KLF8: variants seen among roughly 807,000 people sequenced by gnomAD.
KLF8 encodes Krueppel-like factor 8.
A neutral mutation model predicts 18.2 loss-of-function variants in KLF8; 10 were observed. The ratio of observed to expected loss-of-function variants is 0.55; its 90% CI spans 0.34 to 0.93. KLF8 has a LOEUF of 0.93. Among genes scored for constraint, KLF8 ranks in the 40% least tolerant of loss-of-function variants. KLF8 has a pLI of 0.02. For synonymous variants in KLF8, 109 were observed against 97.3 expected (o/e 1.12, Z -0.71); for missense variants, 264 against 277.9 (o/e 0.95, Z 0.36).
the KLF8 span, among the ~76,000 whole-genome samples, chrX:56,159,078 T>A: frequency 8.9e-6 from 1 of 112,210 alleles, no homozygotes; most frequent in African/African-American, 3.2e-5. Flanking sequence ...CCTAATTTAT[T>A]GAGAATTTTT....
At chrX:55,970,094 C>T in the KLF8 span, among the ~76,000 whole-genome samples, 868 of 110,877 alleles carry the variant, frequency 7.8e-3, 10 homozygotes, top group Admixed American at 0.015. Flanking sequence ...CAGTATTACT[C>T]TCATATCAAA....
chrX:56,230,257 T>C (rs781350670), upstream of KLF8, among the ~76,000 whole-genome samples: 3 of 112,164 alleles, frequency 2.7e-5, no homozygotes, highest in East Asian at 8.4e-4. Context: ...CATTTATTAT[T>C]GATATAAACT....
the KLF8 span, among the ~76,000 whole-genome samples, chrX:56,074,307 A>AT: frequency 9.0e-6 from 1 of 111,195 alleles, no homozygotes; most frequent in East Asian, 2.8e-4. Flanking sequence ...CCACTTTTAT[A>AT]TTTTTTTCCT....
the KLF8 span, among the ~76,000 whole-genome samples, chrX:55,962,647 T>C: frequency 1.8e-5 from 2 of 112,490 alleles, no homozygotes; most frequent in Non-Finnish European, 3.8e-5. Context: ...GAAAAGAACA[T>C]GTAGTGACAT....
chrX:56,090,993 A>C, the KLF8 span, among the ~76,000 whole-genome samples: 12 of 112,208 alleles, frequency 1.1e-4, no homozygotes, highest in Non-Finnish European at 2.3e-4. Context: ...TGGTTTACAC[A>C]TACCACGTTT....
At chrX:55,930,725 G>A in the KLF8 span, among the ~76,000 whole-genome samples, 3 of 111,793 alleles carry the variant, frequency 2.7e-5, no homozygotes, top group Non-Finnish European at 3.8e-5. Context: ...TGCATCCCAG[G>A]GATGAACCCA....
the KLF8 span, among the ~76,000 whole-genome samples, chrX:56,187,491 G>T: frequency 2.7e-5 from 3 of 111,546 alleles, no homozygotes; most frequent in African/African-American, 9.8e-5. Flanking sequence ...CCAATCAATA[G>T]AAAAAGAGGG....
the KLF8 span, among the ~76,000 whole-genome samples, chrX:55,995,821 CT>C: frequency 9.0e-6 from 1 of 110,867 alleles, no homozygotes; most frequent in Admixed American, 9.6e-5. Context: ...TTTTTTCTTT[CT>C]TGTTGACCTT....
At chrX:56,170,331 A>T in the KLF8 span, among the ~76,000 whole-genome samples, 2 of 110,716 alleles carry the variant, frequency 1.8e-5, no homozygotes, top group African/African-American at 3.3e-5. Context: ...GACCTCACCA[A>T]ATGAACTAAA....
At position 56,287,183 on chromosome X, in the gene KLF8, A is replaced by G. The variant is rs1205123985; in HGVS notation, c.*2689A>G. 1 of 112,029 alleles carries G rather than the reference A, an allele frequency of 8.9e-6. No homozygotes were observed. The highest frequency in any genetic ancestry group is 3.2e-5 in the African/African-American group (1 of 30,848). The allele number at this position is 112,029 out of a possible 1,213,427, so 9.2% of individuals were successfully genotyped here. The stretch of plus-strand genomic sequence containing the variant: ...GCCTTTATCTAAAAATGTTTCTGTA[A>G]CATAATGACAGCCTTTATGTTTGTT... On this transcript the variant is annotated 3_prime_UTR_variant, in exon 6 of 6. Coordinates refer to ENST00000468660, the MANE Select transcript of KLF8 (RefSeq NM_007250.5).
the KLF8 span, among the ~76,000 whole-genome samples, chrX:56,210,403 C>T: frequency 9.5e-4 from 106 of 112,009 alleles, no homozygotes; most frequent in African/African-American, 3.4e-3. Flanking sequence ...AAGTCTTCTG[C>T]CAGAGGAATT....
At chrX:56,065,676 A>AT in the KLF8 span, among the ~76,000 whole-genome samples, 1 of 110,849 alleles carries the variant, frequency 9.0e-6, no homozygotes, top group Non-Finnish European at 1.9e-5. Flanking sequence ...GCTTCTTTCA[A>AT]TTTTTTGAAT....
At chrX:55,946,725 G>A in the KLF8 span, among the ~76,000 whole-genome samples, 28 of 111,043 alleles carry the variant, frequency 2.5e-4, no homozygotes, top group African/African-American at 6.6e-4. Context: ...GAAAATTTTC[G>A]CAACCTACTC....
At chrX:55,941,850 TAA>T in the KLF8 span, among the ~76,000 whole-genome samples, 2 of 111,644 alleles carry the variant, frequency 1.8e-5, no homozygotes, top group Non-Finnish European at 3.8e-5. Context: ...TGACGATCAT[TAA>T]AAAGTCAGAA....
At chrX:56,057,615 G>C in the KLF8 span, among the ~76,000 whole-genome samples, 20 of 111,416 alleles carry the variant, frequency 1.8e-4, no homozygotes, top group South Asian at 3.8e-4. Flanking sequence ...GGCACTCAAG[G>C]CTTCTTTGAA....
At chrX:56,277,684 G>A (rs2067140554) in intron 5 of KLF8, among the ~76,000 whole-genome samples, 1 of 112,270 alleles carries the variant, frequency 8.9e-6, no homozygotes, top group East Asian at 2.8e-4. Context: ...AAGGCCCTGG[G>A]TCTCTACAAT....
chrX:56,185,007 G>C, the KLF8 span, among the ~76,000 whole-genome samples: 1 of 112,665 alleles, frequency 8.9e-6, no homozygotes, highest in Non-Finnish European at 1.9e-5. Context: ...ACCAGCAATG[G>C]AAAAAAGCTG....
At chrX:56,172,355 T>C in the KLF8 span, among the ~76,000 whole-genome samples, 5 of 111,282 alleles carry the variant, frequency 4.5e-5, no homozygotes, top group East Asian at 1.4e-3. Flanking sequence ...GAACATGCAC[T>C]GTTTGGTTTT....
the KLF8 span, among the ~76,000 whole-genome samples, chrX:55,969,862 C>T: frequency 1.8e-5 from 2 of 111,201 alleles, no homozygotes; most frequent in Non-Finnish European, 3.8e-5. Flanking sequence ...TTCTTAGAAA[C>T]ATACAACGTA....
Sources: gnomAD v4.1 joint callset for allele counts (sites outside exome capture counted in the v4.1 genomes callset) on GRCh38, gnomAD v4.1.1 for gene constraint, MANE v1.5 for transcripts, NCBI Gene and HGNC (gene_info 2026-07-23, HGNC 2026-07-21) for gene names.